The following SRBD1 variants were observed in gnomAD, a reference collection of about 807,000 sequenced individuals.
The protein encoded by SRBD1 is S1 RNA-binding domain-containing protein 1.
In SRBD1, 88 loss-of-function variants were observed where a neutral mutation model predicts 115.3. The observed-to-expected ratio is 0.76, with a 90% CI of 0.64 to 0.91. SRBD1 has a LOEUF of 0.91. SRBD1 is among the 40% of genes least tolerant of loss of function. The pLI, the probability that SRBD1 is intolerant of heterozygous loss-of-function variation, is 0.00. For synonymous variants in SRBD1, 509 were observed against 407.7 expected, an observed-to-expected ratio of 1.25 and a Z score of -2.99; for missense variants, 1,385 against 1,177.4, an observed-to-expected ratio of 1.18 and a Z score of -2.58.
intron 14 of SRBD1, among the ~76,000 whole-genome samples, chr2:45,539,744 T>C (rs1042964353): frequency 2.0e-5 from 3 of 152,136 alleles, no homozygotes; most frequent in Admixed American, 6.6e-5. Flanking sequence ...CAAATCCTCT[T>C]TGAAGCAACT....
At position 45,587,123 on chromosome 2, in the gene SRBD1, T is replaced by C. The variant is rs1055238384; in HGVS notation, c.649-1349A>G. 3.1e-5 allele frequency among the ~76,000 whole-genome samples: 4 copies of C among 131,022 alleles called. No individual in the cohort carries two copies. In the East Asian group the frequency reaches 6.0e-4, roughly 20 times the overall value. The allele number at this position is 131,022 out of a possible 152,430, so 86.0% of individuals were successfully genotyped here. On this transcript the variant is annotated intron_variant, in intron 4 of 20. Coordinates refer to ENST00000263736, the MANE Select transcript of SRBD1 (RefSeq NM_018079.5). ...TTTAATTATTTTAAAATATAATTAT[T>C]AAAATATTTAAAATTTTTTAAATAT... is the stretch of plus-strand genomic sequence containing the variant.
intron 8 of SRBD1, among the ~76,000 whole-genome samples, chr2:45,574,260 T>C (rs3755082): frequency 0.044 from 6,635 of 152,164 alleles, 228 homozygotes; most frequent in East Asian, 0.15. Context: ...CGAGATACTA[T>C]AAAATAAGCA....
chr2:45,573,145 G>A (rs1285147949), intron 9 of SRBD1, 62 bp downstream of exon 9: 8 of 1,485,998 alleles, frequency 5.4e-6, no homozygotes, highest in Non-Finnish European at 7.1e-6. Flanking sequence ...TAAAGTAGCA[G>A]GCAAATCCAA....
intron 16 of SRBD1, 86 bp from the exon 17 acceptor site, chr2:45,419,980 A>G: frequency 1.7e-6 from 2 of 1,174,416 alleles, no homozygotes; most frequent in Non-Finnish European, 2.5e-6. Flanking sequence ...ACTGGTGGTT[A>G]GCTAACACAC....
At chr2:45,409,861 C>G (rs1286327955) in intron 19 of SRBD1, among the ~76,000 whole-genome samples, 1 of 151,864 alleles carries the variant, frequency 6.6e-6, no homozygotes, top group Non-Finnish European at 1.5e-5. Flanking sequence ...AAAAGATGAC[C>G]TAAATAAATG....
chr2:45,417,512 C>G (rs909879334), intron 18 of SRBD1, among the ~76,000 whole-genome samples: 16 of 152,150 alleles, frequency 1.1e-4, no homozygotes, highest in Non-Finnish European at 1.9e-4. Context: ...CTTAATCAGT[C>G]TTTTCCAGAA....
At chr2:45,524,001 C>T (rs1275628323) in intron 14 of SRBD1, among the ~76,000 whole-genome samples, 1 of 151,868 alleles carries the variant, frequency 6.6e-6, no homozygotes, top group Non-Finnish European at 1.5e-5. Flanking sequence ...GATTCAACAA[C>T]CAAAAATCAA....
chr2:45,473,194 T>C (rs1285572007), intron 16 of SRBD1, among the ~76,000 whole-genome samples: 3 of 152,126 alleles, frequency 2.0e-5, no homozygotes, highest in African/African-American at 7.2e-5. Flanking sequence ...TTATATTAAA[T>C]ATCTTATTGG....
At chr2:45,435,593 C>A (rs1472775283) in intron 16 of SRBD1, among the ~76,000 whole-genome samples, 1 of 150,488 alleles carries the variant, frequency 6.6e-6, no homozygotes, top group African/African-American at 2.4e-5. Flanking sequence ...AAACAGCTGC[C>A]TGTGAGTTGG....
intron 14 of SRBD1, among the ~76,000 whole-genome samples, chr2:45,503,663 T>C (rs1170992727): frequency 6.6e-6 from 1 of 152,202 alleles, no homozygotes; most frequent in African/African-American, 2.4e-5. Flanking sequence ...TCAAATCTTG[T>C]CTAATACCAT....
At chr2:45,538,663 G>C (rs916239002) in intron 14 of SRBD1, among the ~76,000 whole-genome samples, 7 of 152,220 alleles carry the variant, frequency 4.6e-5, no homozygotes, top group African/African-American at 1.7e-4. Context: ...CCAAACATGA[G>C]TTGAATAAAG....
At chr2:45,569,503 TTAA>T (rs1415140209) in intron 9 of SRBD1, 1 of 152,220 alleles carries the variant, frequency 6.6e-6, no homozygotes, top group Non-Finnish European at 1.5e-5. Context: ...AATTACATTC[TTAA>T]TGATGAAAAT....
At chr2:45,405,813 G>A (rs1355709346) in intron 19 of SRBD1, among the ~76,000 whole-genome samples, 1 of 151,962 alleles carries the variant, frequency 6.6e-6, no homozygotes, top group African/African-American at 2.4e-5. Flanking sequence ...AAGGATAGAA[G>A]CCAATTGTAA....
intron 14 of SRBD1, among the ~76,000 whole-genome samples, chr2:45,509,167 C>T (rs1670885781): frequency 2.0e-5 from 3 of 152,134 alleles, no homozygotes; most frequent in Non-Finnish European, 4.4e-5. Flanking sequence ...CATCTACCTA[C>T]CCTAATCTCC....
At chr2:45,444,061 A>G (rs995642045) in intron 16 of SRBD1, among the ~76,000 whole-genome samples, 1 of 152,168 alleles carries the variant, frequency 6.6e-6, no homozygotes, top group South Asian at 2.1e-4. Context: ...AAGTTCTTCA[A>G]CAGCTCTACA....
chr2:45,475,687 A>G (rs1669783662), intron 16 of SRBD1, among the ~76,000 whole-genome samples: 1 of 152,146 alleles, frequency 6.6e-6, no homozygotes, highest in African/African-American at 2.4e-5. Flanking sequence ...CTATATCACA[A>G]AACTGTTATA....
Position 45,399,551 on chromosome 2 carries a change from C to A in SRBD1, c.2514-6422G>T, listed in dbSNP as rs539797770. Among the ~76,000 whole-genome samples, 9 of 152,212 alleles carry A rather than the reference C, an allele frequency of 5.9e-5. No individual in the cohort carries two copies. In the South Asian group the frequency reaches 1.7e-3, roughly 28 times the overall value. ...GATTAAGAGACTTGCCCACACCTGACAACATAAGGTAGTAGTAGTGAAGGT... is the reference window on the plus strand; with the variant it reads ...GATTAAGAGACTTGCCCACACCTGAAAACATAAGGTAGTAGTAGTGAAGGT... On this transcript the variant is annotated intron_variant, in intron 19 of 20. Coordinates refer to ENST00000263736, the MANE Select transcript of SRBD1 (RefSeq NM_018079.5).
intron 14 of SRBD1, among the ~76,000 whole-genome samples, chr2:45,502,106 T>G (rs1309590156): frequency 6.6e-6 from 1 of 152,160 alleles, no homozygotes; most frequent in Non-Finnish European, 1.5e-5. Flanking sequence ...AGAGGAACAA[T>G]CAGGCAGCAA....
At position 45,553,635 on chromosome 2, in the gene SRBD1, C is replaced by A. The variant is rs1196633300; in HGVS notation, c.1505G>T (p.Cys502Phe). Reference sequence around the variant, plus strand: ...ACAAGATATATACCTGAATTCTCTACAGAGAAGAGGATAAATAAGGCGTTT... The same window carrying A: ...ACAAGATATATACCTGAATTCTCTAAAGAGAAGAGGATAAATAAGGCGTTT... ...SFKRLIYPLL[C>F]REFRAKLTSD... Residue 502 changes from cysteine (C) to phenylalanine (F), a missense_variant, in exon 11 of 21, where the codon TGT becomes TTT. Transcript: ENST00000263736. The A allele has an allele frequency of 6.3e-7, 1 of 1,591,866 alleles. No homozygotes were observed. The highest frequency in any genetic ancestry group is 8.5e-7 in the Non-Finnish European group (1 of 1,170,628).
Sources: gnomAD v4.1 joint callset for allele counts (sites outside exome capture counted in the v4.1 genomes callset) on GRCh38, gnomAD v4.1.1 for gene constraint, MANE v1.5 for transcripts, NCBI Gene and HGNC (gene_info 2026-07-23, HGNC 2026-07-21) for gene names.